The following CD36 variants were observed in gnomAD, a reference collection of about 807,000 sequenced individuals.
CD36 encodes the protein platelet glycoprotein 4.
CD36 carries 119 observed loss-of-function variants against 55.2 expected under a neutral mutation model. That is an observed-to-expected ratio of 2.15 (90% CI 1.86 to 2.51). The LOEUF is 2.51. Among genes scored for constraint, CD36 ranks in the 30% most tolerant of loss-of-function variants. The probability of loss-of-function intolerance (pLI) is 0.00; values close to 1 mark genes in which losing one functional copy is unlikely to be tolerated. For synonymous variants in CD36, 186 were observed against 193.6 expected (o/e 0.96, Z 0.33); for missense variants, 819 against 555.5 (o/e 1.47, Z -4.77).
At position 80,603,309 on chromosome 7, in the gene CD36, A is replaced by G. The variant is rs112229813; in HGVS notation, c.-184+930A>G. Among the ~76,000 whole-genome samples, 293 of 152,302 alleles carry G rather than the reference A, an allele frequency of 1.9e-3. 2 individuals carry two copies. The highest frequency in any genetic ancestry group is 6.8e-3 in the African/African-American group (281 of 41,578). ...TACAAGCCCTGGAAAAGAATTAGATAGGCTTCTTTGCCTTTACAAAAAAGG... is the reference window on the plus strand; with the variant it reads ...TACAAGCCCTGGAAAAGAATTAGATGGGCTTCTTTGCCTTTACAAAAAAGG... On this transcript the variant is annotated intron_variant, in intron 1 of 13. Coordinates refer to the CD36 transcript ENST00000309881.
rs376016691 is a variant in CD36, at chr7:80,661,048, C to T, written c.282-15C>T. Reference sequence around the variant, plus strand: ...TGACAAATGTTTTGAATTTTGTTTACTGCTATTTCTTTAGAGTTCGTTTTC... The same window carrying T: ...TGACAAATGTTTTGAATTTTGTTTATTGCTATTTCTTTAGAGTTCGTTTTC... On this transcript the variant is annotated splice_polypyrimidine_tract_variant and intron_variant, in intron 4 of 14. Coordinates refer to ENST00000447544, the MANE Select transcript of CD36 (RefSeq NM_001001548.3). 36 of 1,593,702 alleles carry T rather than the reference C, an allele frequency of 2.3e-5. No homozygotes were observed. The highest frequency in any genetic ancestry group is 3.0e-5 in the Non-Finnish European group (35 of 1,161,570).
chr7:80,614,894 T>G (rs1793064499), intron 1 of CD36, among the ~76,000 whole-genome samples: 1 of 152,156 alleles, frequency 6.6e-6, no homozygotes, highest in South Asian at 2.1e-4. Context: ...CTTTTGTGTT[T>G]TTTTCCCCTC....
chr7:80,650,883 T>A (rs1352891201), intron 3 of CD36, among the ~76,000 whole-genome samples: 1 of 151,562 alleles, frequency 6.6e-6, no homozygotes, highest in Non-Finnish European at 1.5e-5. Flanking sequence ...TTGACCGTGA[T>A]TCTTAATAGA....
chr7:80,667,749 T>TTTTTTTG (rs1177853470), intron 8 of CD36, among the ~76,000 whole-genome samples: 228 of 105,360 alleles, frequency 2.2e-3, no homozygotes, highest in African/African-American at 6.5e-3. Flanking sequence ...TTTCTTTTGT[T>TTTTTTTG]TTTTTTTTTT....
At position 80,663,429 on chromosome 7, in the gene CD36, T is replaced by G. The variant is rs556879307; in HGVS notation, c.609+260T>G. 2.0e-5 allele frequency among the ~76,000 whole-genome samples: 3 copies of G among 152,280 alleles called. No homozygotes were observed. The South Asian group carries it at 6.2e-4, about 32-fold the overall frequency. On this transcript the variant is annotated intron_variant, in intron 6 of 14. Coordinates refer to ENST00000447544, the MANE Select transcript of CD36 (RefSeq NM_001001548.3). The stretch of plus-strand genomic sequence containing the variant: ...TACTCATTTATAAATACACAATTTT[T>G]TTTAAATTAGCCGGTAAGCTAGTCT...
At chr7:80,610,504 G>T (rs1252928774) in intron 1 of CD36, among the ~76,000 whole-genome samples, 1 of 151,980 alleles carries the variant, frequency 6.6e-6, no homozygotes, top group Non-Finnish European at 1.5e-5. Flanking sequence ...TAGCGAAACA[G>T]AATTTTCCTC....
chr7:80,664,913 T>C (rs1470287101), intron 7 of CD36, among the ~76,000 whole-genome samples: 1 of 152,044 alleles, frequency 6.6e-6, no homozygotes, highest in Non-Finnish European at 1.5e-5. Context: ...TTTTTTTACT[T>C]TTTAAATCGA....
intron 1 of CD36, among the ~76,000 whole-genome samples, chr7:80,614,218 G>C (rs974778922): frequency 6.6e-6 from 1 of 152,052 alleles, no homozygotes; most frequent in African/African-American, 2.4e-5. Flanking sequence ...TCGAATGTTT[G>C]TTTCTCCAGA....
upstream of CD36, among the ~76,000 whole-genome samples, chr7:80,638,221 T>C (rs143724494): frequency 4.9e-3 from 751 of 152,058 alleles, 7 homozygotes; most frequent in African/African-American, 0.017. Context: ...AAATTTAAAC[T>C]TAATAAAATA....
intron 1 of CD36, among the ~76,000 whole-genome samples, chr7:80,628,649 A>G (rs1793887895): frequency 6.6e-6 from 1 of 152,082 alleles, no homozygotes; most frequent in African/African-American, 2.4e-5. Flanking sequence ...AAATAGAATC[A>G]CAAGGTATCA....
chr7:80,669,857 A>C (rs1439689193), intron 8 of CD36, 96 bp from the exon 9 acceptor site: 3 of 848,616 alleles, frequency 3.5e-6, no homozygotes, highest in Non-Finnish European at 4.1e-6. Context: ...GGCAGTTTGC[A>C]TTACATTTCT....
At chr7:80,668,978 T>C (rs1005006509) in intron 8 of CD36, among the ~76,000 whole-genome samples, 2 of 152,346 alleles carry the variant, frequency 1.3e-5, no homozygotes, top group South Asian at 2.1e-4. Context: ...ATGACTTTTT[T>C]ATACACTTTC....
At chr7:80,656,800 T>C in intron 4 of CD36, 100 bp downstream of exon 4, 1 of 1,065,916 alleles carries the variant, frequency 9.4e-7, no homozygotes, top group Non-Finnish European at 1.4e-6. Context: ...ATGTACTTAT[T>C]ATTTTCTTGC....
chr7:80,677,649 GTTCTTCTGATA>G lies in CD36; in HGVS notation c.*1267_*1277del. ...ATATGTAAGATAACATTGTAGACAT[GTTCTTCTGATA>G]ATACAAGGTTTATTCTATTTGCATT... On this transcript the variant is annotated 3_prime_UTR_variant, in exon 15 of 15. Coordinates refer to ENST00000447544, the MANE Select transcript of CD36 (RefSeq NM_001001548.3). The G allele has an allele frequency of 6.6e-6, 1 of 152,252 alleles. No homozygotes were observed. Among genetic ancestry groups the G allele is most frequent in the East Asian group, 1.9e-4 (1 of 5,174 alleles). The allele number at this position is 152,252 out of a possible 1,614,324, so 9.4% of individuals were successfully genotyped here.
At chr7:80,669,020 C>G (rs961202636) in intron 8 of CD36, among the ~76,000 whole-genome samples, 1 of 152,042 alleles carries the variant, frequency 6.6e-6, no homozygotes, top group African/African-American at 2.4e-5. Context: ...AGTGAGAGAA[C>G]TTTAGTAAAT....
Position 80,671,966 on chromosome 7 carries a change from C to A in CD36, c.1051C>A (p.Pro351Thr). 6.2e-7 allele frequency: 1 copy of A among 1,610,200 alleles called. No individual in the cohort carries two copies. The highest frequency in any genetic ancestry group is 8.5e-7 in the Non-Finnish European group (1 of 1,177,132). The change falls in exon 11 of 15, where the codon CCT becomes ACT. Residue 351 changes from proline to threonine, a missense_variant. Transcript: ENST00000447544. ...ISLPHFLYAS[P>T]DVSEPIDGLN... ...ACTTCCTCATTTTCTGTATGCAAGT[C>A]CTGATGTTTCAGAACCTATTGATGG...
At chr7:80,617,391 A>G (rs1793224718) in intron 1 of CD36, among the ~76,000 whole-genome samples, 1 of 152,014 alleles carries the variant, frequency 6.6e-6, no homozygotes, top group Non-Finnish European at 1.5e-5. Context: ...TTAAAAAAAA[A>G]ATAAAATATA....
At position 80,638,926 on chromosome 7, in the gene CD36, T is replaced by A. The variant is rs566290687; in HGVS notation, c.-184+180T>A. Among the ~76,000 whole-genome samples the A allele has an allele frequency of 1.1e-4, 16 of 152,090 alleles. No individual in the cohort carries two copies. The East Asian group carries it at 3.1e-3, about 29-fold the overall frequency. The stretch of plus-strand genomic sequence containing the variant: ...TATCTAAAAATCAGGTTTGCATTAT[T>A]TTCAAGTTATCAACCTTCCTATATT... On this transcript the variant is annotated intron_variant, in intron 1 of 14. Transcript: ENST00000447544.
chr7:80,658,293 A>G (rs1157054729), intron 4 of CD36, among the ~76,000 whole-genome samples: 1 of 152,044 alleles, frequency 6.6e-6, no homozygotes, highest in East Asian at 1.9e-4. Flanking sequence ...ATATATATAT[A>G]TGTATTCATA....
Sources: allele counts gnomAD v4.1 joint callset (sites outside exome capture counted in the v4.1 genomes callset), GRCh38; gene constraint gnomAD v4.1.1; transcripts MANE v1.5; gene names NCBI Gene and HGNC (gene_info 2026-07-23, HGNC 2026-07-21).